The following PPP3CA variants were observed in gnomAD, a reference collection of about 807,000 sequenced individuals.
The protein encoded by PPP3CA is protein phosphatase 3 catalytic subunit alpha.
In PPP3CA, 14 loss-of-function variants were observed where a neutral mutation model predicts 66.5. That is an observed-to-expected ratio of 0.21 (90% CI 0.14 to 0.33). The LOEUF is 0.33. Ranked by LOEUF, PPP3CA falls within the 10% of genes least tolerant of loss-of-function variation. PPP3CA has a pLI of 1.00. For synonymous variants in PPP3CA, 232 were observed against 226.2 expected, an observed-to-expected ratio of 1.03 and a Z score of -0.23; for missense variants, 317 against 639.5, an observed-to-expected ratio of 0.50 and a Z score of 5.44.
chr4:101,239,328 G>A (rs1446291639), intron 1 of PPP3CA, among the ~76,000 whole-genome samples: 1 of 152,050 alleles, frequency 6.6e-6, no homozygotes, highest in Non-Finnish European at 1.5e-5. Flanking sequence ...TGATGTCACT[G>A]TTGATTACTC....
intron 11 of PPP3CA, among the ~76,000 whole-genome samples, chr4:101,036,226 G>A (rs1727242063): frequency 6.6e-6 from 1 of 152,100 alleles, no homozygotes; most frequent in South Asian, 2.1e-4. Flanking sequence ...CCCTTTTACT[G>A]TGGTGTCTAG....
At chr4:101,032,779 G>A (rs1727041132) in intron 11 of PPP3CA, among the ~76,000 whole-genome samples, 1 of 151,726 alleles carries the variant, frequency 6.6e-6, no homozygotes, top group South Asian at 2.1e-4. Flanking sequence ...TTGATTTGAC[G>A]GAATAAAAAA....
intron 1 of PPP3CA, among the ~76,000 whole-genome samples, chr4:101,257,052 C>G (rs1337001835): frequency 2.0e-5 from 3 of 151,918 alleles, no homozygotes; most frequent in Non-Finnish European, 2.9e-5. Context: ...GGAACTCATT[C>G]TAGTTCTGCT....
chr4:101,029,516 G>GAATT (rs1726842290), intron 12 of PPP3CA, among the ~76,000 whole-genome samples: 1 of 151,900 alleles, frequency 6.6e-6, no homozygotes, highest in African/African-American at 2.4e-5. Flanking sequence ...TACATGGACT[G>GAATT]AATTATAAGA....
At chr4:101,189,687 C>CAAAAAAAAAAAAA (rs554383258) in intron 2 of PPP3CA, among the ~76,000 whole-genome samples, 4 of 72,600 alleles carry the variant, frequency 5.5e-5, no homozygotes, top group Admixed American at 4.2e-4. Flanking sequence ...TAGTGAACGG[C>CAAAAAAAAAAAAA]AAAAAAAAAA....
At chr4:101,077,417 G>C (rs1729241141) in intron 8 of PPP3CA, among the ~76,000 whole-genome samples, 1 of 152,096 alleles carries the variant, frequency 6.6e-6, no homozygotes, top group Admixed American at 6.5e-5. Context: ...ATTCTCCACA[G>C]CTATTTTCCA....
chr4:101,152,001 GAAATACA>G (rs1246890223), intron 2 of PPP3CA, among the ~76,000 whole-genome samples: 1 of 151,976 alleles, frequency 6.6e-6, no homozygotes, highest in African/African-American at 2.4e-5. Flanking sequence ...TATTATTCTG[GAAATACA>G]AAATAGAAAA....
intron 10 of PPP3CA, among the ~76,000 whole-genome samples, chr4:101,057,060 C>T (rs893030563): frequency 2.1e-5 from 3 of 145,060 alleles, no homozygotes; most frequent in African/African-American, 7.5e-5. Flanking sequence ...GTAGAATATA[C>T]TTTTTTTTTT....
At chr4:101,189,701 A>C (rs1213764540) in intron 2 of PPP3CA, among the ~76,000 whole-genome samples, 2 of 151,268 alleles carry the variant, frequency 1.3e-5, no homozygotes, top group Non-Finnish European at 3.0e-5. Flanking sequence ...AAAAAAAAAA[A>C]AAACAAAACC....
chr4:101,263,944 G>A (rs556214053), intron 1 of PPP3CA, among the ~76,000 whole-genome samples: 4 of 152,190 alleles, frequency 2.6e-5, no homozygotes, highest in East Asian at 3.9e-4. Context: ...TGTCAGTTAG[G>A]TTGACAGAGA....
chr4:101,326,692 G>A (rs1209704706), intron 1 of PPP3CA, among the ~76,000 whole-genome samples: 1 of 152,114 alleles, frequency 6.6e-6, no homozygotes, highest in Non-Finnish European at 1.5e-5. Flanking sequence ...TTTCTTGCAT[G>A]ACAACACAAA....
At chr4:101,324,697 A>C (rs1003432979) in intron 1 of PPP3CA, among the ~76,000 whole-genome samples, 49 of 152,310 alleles carry the variant, frequency 3.2e-4, no homozygotes, top group African/African-American at 1.2e-3. Context: ...GAACAACAAA[A>C]AAAAAAAAGA....
chr4:101,176,961 A>G (rs1023476161), intron 2 of PPP3CA, among the ~76,000 whole-genome samples: 10 of 152,214 alleles, frequency 6.6e-5, no homozygotes, highest in African/African-American at 2.4e-4. Flanking sequence ...GTCAATTCAC[A>G]TATTATTCAT....
chr4:101,210,237 T>C (rs546974303), intron 1 of PPP3CA, among the ~76,000 whole-genome samples: 1 of 152,264 alleles, frequency 6.6e-6, no homozygotes, highest in Admixed American at 6.5e-5. Flanking sequence ...TATCTCACCT[T>C]AATCCACCTG....
chr4:101,318,182 C>T (rs1728937710), intron 1 of PPP3CA, among the ~76,000 whole-genome samples: 1 of 151,996 alleles, frequency 6.6e-6, no homozygotes, highest in Admixed American at 6.6e-5. Context: ...ATTTAAACCA[C>T]AGAATGATAT....
intron 2 of PPP3CA, among the ~76,000 whole-genome samples, chr4:101,117,184 T>C (rs1309791842): frequency 6.6e-6 from 1 of 151,860 alleles, no homozygotes; most frequent in Non-Finnish European, 1.5e-5. Context: ...TAAAATATAT[T>C]GTAGATTACA....
chr4:101,330,070 T>C lies in PPP3CA; in HGVS notation c.58+16669A>G, dbSNP rs1450135025. Among the ~76,000 whole-genome samples, 7 of 152,070 alleles carry C rather than the reference T, an allele frequency of 4.6e-5. No homozygotes were observed. In the East Asian group the frequency reaches 1.2e-3, roughly 25 times the overall value. ...CTCTAACAGATGTGGACAAAGTACATTGAAAACCTTCTGGAAAGGATTCAC... is the reference window on the plus strand; with the variant it reads ...CTCTAACAGATGTGGACAAAGTACACTGAAAACCTTCTGGAAAGGATTCAC... On this transcript the variant is annotated intron_variant, in intron 1 of 13. Transcript: ENST00000394854.
intron 2 of PPP3CA, among the ~76,000 whole-genome samples, chr4:101,148,277 T>C (rs989390447): frequency 5.0e-4 from 76 of 152,158 alleles, no homozygotes; most frequent in African/African-American, 1.8e-3. Context: ...TTAAATTACA[T>C]ATATGATTTA....
chr4:101,036,302 CTTTA>C (rs1553920693), intron 11 of PPP3CA, among the ~76,000 whole-genome samples: 1 of 152,074 alleles, frequency 6.6e-6, no homozygotes, highest in Non-Finnish European at 1.5e-5. Context: ...CTGAAGAATT[CTTTA>C]TTTTTCTCCT....
Sources: gnomAD v4.1 joint callset for allele counts (sites outside exome capture counted in the v4.1 genomes callset) on GRCh38, gnomAD v4.1.1 for gene constraint, MANE v1.5 for transcripts, NCBI Gene and HGNC (gene_info 2026-07-23, HGNC 2026-07-21) for gene names.